MLKL: variants seen among roughly 807,000 people sequenced by gnomAD.
MLKL encodes the protein mixed lineage kinase domain like pseudokinase, also known as mixed lineage kinase domain-like protein.
MLKL carries 55 observed loss-of-function variants against 56.5 expected under a neutral mutation model. That is an observed-to-expected ratio of 0.97 (90% CI 0.78 to 1.22). The LOEUF is 1.22. MLKL is among the 50% of genes most tolerant of loss of function. MLKL has a pLI of 0.00. For synonymous variants in MLKL, 251 were observed against 208.3 expected, an observed-to-expected ratio of 1.20 and a Z score of -1.76; for missense variants, 694 against 573.9, an observed-to-expected ratio of 1.21 and a Z score of -2.14.
chr16:74,697,993 C>G (rs1961151494), intron 1 of MLKL, among the ~76,000 whole-genome samples: 1 of 152,128 alleles, frequency 6.6e-6, no homozygotes, highest in South Asian at 2.1e-4. Context: ...ATCGTATGAG[C>G]CTGAGTTCGA....
intron 3 of MLKL, 23 bp downstream of exon 3, chr16:74,692,319 C>T (rs762932455): frequency 2.5e-6 from 4 of 1,604,854 alleles, no homozygotes; most frequent in East Asian, 2.2e-5. Flanking sequence ...CCATCAGAAA[C>T]AGCAGGGCAC....
chr16:74,687,947 T>G (rs1319877919), intron 4 of MLKL, among the ~76,000 whole-genome samples: 1 of 152,048 alleles, frequency 6.6e-6, no homozygotes, highest in Non-Finnish European at 1.5e-5. Context: ...TGCCTCAGCC[T>G]CCTGAGTAGC....
intron 7 of MLKL, chr16:74,676,148 A>G (rs1023977535): frequency 4.8e-6 from 3 of 626,872 alleles, no homozygotes; most frequent in South Asian, 6.3e-5. Flanking sequence ...GGGGTCATAG[A>G]GCCACTGCCT....
At position 74,685,515 on chromosome 16, in the gene MLKL, C is replaced by T. The variant is rs765063923; in HGVS notation, c.791G>A (p.Arg264His). ...MKKFESPNIL[R>H]IFGICIDETV... Reference sequence around the variant, plus strand: ...TTCATCAATGCAAATCCCAAATATACGCAGGATGTTGGGAGATTCGAATTT... The same window carrying T: ...TTCATCAATGCAAATCCCAAATATATGCAGGATGTTGGGAGATTCGAATTT... Residue 264 changes from arginine to histidine, a missense_variant, in exon 5 of 11, where the codon CGT (arginine) becomes CAT (histidine). By Grantham distance (29) the Arg-to-His change is conservative. Transcript: ENST00000308807. The T allele has an allele frequency of 2.5e-5, 40 of 1,613,840 alleles. No homozygotes were observed. Among genetic ancestry groups the T allele is most frequent in the Middle Eastern group, 3.3e-4 (2 of 6,084 alleles).
chr16:74,683,922 C>T (rs952823458), intron 5 of MLKL, among the ~76,000 whole-genome samples: 1 of 152,120 alleles, frequency 6.6e-6, no homozygotes, highest in African/African-American at 2.4e-5. Flanking sequence ...GGAGAACAAA[C>T]GTTGCTGAAC....
intron 4 of MLKL, among the ~76,000 whole-genome samples, chr16:74,688,366 A>G (rs190845628): frequency 3.9e-4 from 60 of 152,302 alleles, no homozygotes; most frequent in Admixed American, 2.0e-3. Flanking sequence ...ACCAAAATTA[A>G]CTCTAACTTC....
intron 6 of MLKL, 115 bp downstream of exon 6, chr16:74,682,536 G>A (rs1162968452): frequency 2.2e-6 from 3 of 1,393,402 alleles, no homozygotes; most frequent in Non-Finnish European, 2.9e-6. Context: ...GTAAAACAGT[G>A]TATGGGAGGG....
chr16:74,694,146 G>C (rs1395432282), intron 2 of MLKL, among the ~76,000 whole-genome samples: 1 of 152,180 alleles, frequency 6.6e-6, no homozygotes, highest in Non-Finnish European at 1.5e-5. Context: ...GCATGATGCT[G>C]ACTGTGTGAC....
At chr16:74,681,622 T>C (rs908856641) in intron 6 of MLKL, among the ~76,000 whole-genome samples, 2 of 151,434 alleles carry the variant, frequency 1.3e-5, no homozygotes, top group Non-Finnish European at 2.9e-5. Context: ...TGAAACCCCG[T>C]CTCTAATAAA....
At position 74,695,567 on chromosome 16, in the gene MLKL, C is replaced by G; in HGVS notation, c.191G>C (p.Arg64Pro). 6.2e-7 allele frequency: 1 copy of G among 1,614,138 alleles called. No individual in the cohort carries two copies. The highest frequency in any genetic ancestry group is 8.5e-7 in the Non-Finnish European group (1 of 1,180,030). The change falls in exon 2 of 11, where the codon CGC (arginine) becomes CCC (proline). Residue 64 changes from arginine (R) to proline (P), a missense_variant. Transcript: ENST00000308807. ...AGCCTCCTCCAGGGCAGCCTTGAAGCGGTTCATGGCTGTGGTTAACTTCTC... is the reference window on the plus strand; with the variant it reads ...AGCCTCCTCCAGGGCAGCCTTGAAGGGGTTCATGGCTGTGGTTAACTTCTC... The part of the protein sequence containing the change: ...PSEKLTTAMN[R>P]FKAALEEANG...
At chr16:74,699,622 T>C (rs1046585633) in intron 1 of MLKL, among the ~76,000 whole-genome samples, 5 of 152,078 alleles carry the variant, frequency 3.3e-5, no homozygotes, top group African/African-American at 1.2e-4. Flanking sequence ...CTATTTATAA[T>C]ATGTAAAACA....
rs552408440 is a variant in MLKL, at chr16:74,672,338, A to G, written c.*166T>C. 20 of 621,634 alleles carry G rather than the reference A, an allele frequency of 3.2e-5. No homozygotes were observed. The highest frequency in any genetic ancestry group is 5.8e-5 in the Non-Finnish European group (20 of 343,150). 38.5% of individuals were successfully genotyped at this position (621,634 alleles called of 1,614,324 possible). A position where few individuals can be genotyped will look rare whatever the true frequency, so the allele number is the denominator to read the frequency against. On this transcript the variant is annotated 3_prime_UTR_variant, in exon 11 of 11. Transcript: ENST00000308807. ...TTTTGGAAATATCATTTGGAGTGGG[A>G]TGTGTCCTGTATGACTGGAATCGTT...
chr16:74,676,577 C>T (rs936770547), intron 7 of MLKL: 13 of 605,610 alleles, frequency 2.1e-5, no homozygotes, highest in Non-Finnish European at 2.7e-5. Flanking sequence ...GGTGGAATAG[C>T]GCATCTTATA....
intron 7 of MLKL, 122 bp downstream of exon 7, chr16:74,678,777 G>T: frequency 1.4e-6 from 1 of 738,480 alleles, no homozygotes; most frequent in Non-Finnish European, 2.3e-6. Context: ...AAGAGACTCT[G>T]TCTCTAAATA....
intron 4 of MLKL, among the ~76,000 whole-genome samples, chr16:74,690,522 G>T (rs751353107): frequency 6.6e-6 from 1 of 152,144 alleles, no homozygotes; most frequent in African/African-American, 2.4e-5. Context: ...TATGGCTCAC[G>T]CCTGTTATCC....
intron 10 of MLKL, 49 bp from the exon 11 acceptor site, chr16:74,672,587 C>T: frequency 1.3e-6 from 2 of 1,554,340 alleles, no homozygotes; most frequent in Non-Finnish European, 1.8e-6. Context: ...AGCTGAGAGC[C>T]AAGTTAGAAA....
chr16:74,673,390 G>A (rs1441451829), intron 10 of MLKL, among the ~76,000 whole-genome samples: 1 of 151,992 alleles, frequency 6.6e-6, no homozygotes, highest in African/African-American at 2.4e-5. Context: ...GCTATTTTTT[G>A]TATTTTTAGT....
At chr16:74,687,499 G>C (rs564189904) in intron 4 of MLKL, among the ~76,000 whole-genome samples, 2 of 152,042 alleles carry the variant, frequency 1.3e-5, no homozygotes, top group African/African-American at 4.8e-5. Flanking sequence ...GGATAGCCAA[G>C]ACAGTCTTGC....
At chr16:74,694,030 G>T (rs1298036088) in intron 2 of MLKL, among the ~76,000 whole-genome samples, 1 of 152,080 alleles carries the variant, frequency 6.6e-6, no homozygotes, top group African/African-American at 2.4e-5. Context: ...AAAACAGTAG[G>T]GTAGATGCCA....
Sources: allele counts gnomAD v4.1 joint callset (sites outside exome capture counted in the v4.1 genomes callset), GRCh38; gene constraint gnomAD v4.1.1; transcripts MANE v1.5; gene names NCBI Gene and HGNC (gene_info 2026-07-23, HGNC 2026-07-21).